Variants in ARMC8 observed in about 807,000 individuals in gnomAD.
ARMC8 encodes armadillo repeat-containing protein 8.
Under a neutral mutation model 99.3 loss-of-function variants are expected in ARMC8, and 20 were observed. The ratio of observed to expected loss-of-function variants is 0.20; its 90% CI spans 0.14 to 0.29. ARMC8 has a LOEUF of 0.29. ARMC8 is among the 10% of genes least tolerant of loss of function. The pLI is 1.00. For synonymous variants in ARMC8, 263 were observed against 278.3 expected, an observed-to-expected ratio of 0.95 and a Z score of 0.55; for missense variants, 569 against 809.5, an observed-to-expected ratio of 0.70 and a Z score of 3.60.
intron 1 of ARMC8, among the ~76,000 whole-genome samples, chr3:138,204,414 T>G (rs1364881909): frequency 6.6e-6 from 1 of 152,252 alleles, no homozygotes; most frequent in Non-Finnish European, 1.5e-5. Context: ...TGAATAAGCA[T>G]GCTCCAATTT....
intron 6 of ARMC8, among the ~76,000 whole-genome samples, chr3:138,232,334 T>G (rs2046095236): frequency 6.6e-6 from 1 of 152,102 alleles, no homozygotes; most frequent in Non-Finnish European, 1.5e-5. Flanking sequence ...AAGAACTTCT[T>G]TTGTAACAAG....
chr3:138,205,342 C>A (rs2044313296), intron 1 of ARMC8, among the ~76,000 whole-genome samples: 1 of 151,944 alleles, frequency 6.6e-6, no homozygotes, highest in South Asian at 2.1e-4. Context: ...AGCCACCACG[C>A]CCGGCGGCAA....
chr3:138,187,436 C>T lies in ARMC8; in HGVS notation c.-119C>T. On this transcript the variant is annotated 5_prime_UTR_variant, in exon 1 of 22. Transcript: ENST00000469044. Reference sequence around the variant, plus strand: ...TACTTGAGCGGTGTCCAGAGCGTGGCCAGTTCTCGTCTATCTGGCTGCCTT... The same window carrying T: ...TACTTGAGCGGTGTCCAGAGCGTGGTCAGTTCTCGTCTATCTGGCTGCCTT... 1 of 1,024,634 alleles carries T rather than the reference C, an allele frequency of 9.8e-7. No individual in the cohort carries two copies. Among genetic ancestry groups the T allele is most frequent in the East Asian group, 2.6e-5 (1 of 38,164 alleles). 63.5% of individuals were successfully genotyped at this position (1,024,634 alleles called of 1,614,324 possible). A position where few individuals can be genotyped will look rare whatever the true frequency, so the allele number is the denominator to read the frequency against.
At chr3:138,291,980 G>A (rs1256083857) in intron 21 of ARMC8, among the ~76,000 whole-genome samples, 2 of 152,130 alleles carry the variant, frequency 1.3e-5, no homozygotes, top group Non-Finnish European at 2.9e-5. Context: ...GACTGTTAAG[G>A]AGAGGAGACA....
In ARMC8 at chr3:138,263,838, G is replaced by A. The variant is rs1396114523; in HGVS notation, c.1217+17G>A. The A allele has an allele frequency of 3.1e-6, 5 of 1,610,374 alleles. No homozygotes were observed. The highest frequency in any genetic ancestry group is 4.2e-6 in the Non-Finnish European group (5 of 1,176,618). On this transcript the variant is annotated intron_variant, in intron 13 of 21. Transcript: ENST00000469044. ...TGCCGTCAGGTATGAGCTTTAAATG[G>A]TCTGAATAAAAACCTTTTGCCATAT...
Position 138,242,837 on chromosome 3 carries a change from A to G in ARMC8, c.1038+854A>G, listed in dbSNP as rs560724100. 3.9e-5 allele frequency among the ~76,000 whole-genome samples: 6 copies of G among 152,332 alleles called. No individual in the cohort carries two copies. In the East Asian group the frequency reaches 7.7e-4, roughly 20 times the overall value. On this transcript the variant is annotated intron_variant, in intron 11 of 21. Coordinates refer to ENST00000469044, the MANE Select transcript of ARMC8 (RefSeq NM_001363941.2). ...GGCTTTTAACTTTGAAAATAAAGCA[A>G]ACTATTAAGGGTATATCTTTACTCT... is the stretch of plus-strand genomic sequence containing the variant.
chr3:138,214,113 C>T (rs147334464), intron 2 of ARMC8, among the ~76,000 whole-genome samples: 3 of 151,336 alleles, frequency 2.0e-5, no homozygotes, highest in African/African-American at 7.3e-5. Context: ...GATTATGCCA[C>T]TGCACTCCAG....
chr3:138,271,454 A>G (rs1183188726), intron 16 of ARMC8, among the ~76,000 whole-genome samples: 8 of 152,178 alleles, frequency 5.3e-5, no homozygotes, highest in Non-Finnish European at 1.2e-4. Flanking sequence ...TCCCACATCT[A>G]TCACTTAAAT....
chr3:138,223,284 C>T lies in ARMC8; in HGVS notation c.195-105C>T, dbSNP rs115045683. On this transcript the variant is annotated intron_variant, in intron 3 of 21. Coordinates refer to ENST00000469044, the MANE Select transcript of ARMC8 (RefSeq NM_001363941.2). ...AATGACCATTGGATTCATATAAACT[C>T]AGCCAACCATATTTTTAGTATGTGG... 1.5e-3 allele frequency: 1,456 copies of T among 992,238 alleles called. 13 individuals are homozygous for T. The African/African-American group carries it at 0.022, about 15-fold the overall frequency. 61.5% of individuals were successfully genotyped at this position (992,238 alleles called of 1,614,324 possible). A position where few individuals can be genotyped will look rare whatever the true frequency, so the allele number is the denominator to read the frequency against.
chr3:138,224,633 AC>A (rs2045587758), intron 5 of ARMC8, among the ~76,000 whole-genome samples: 1 of 152,104 alleles, frequency 6.6e-6, no homozygotes, highest in Admixed American at 6.6e-5. Context: ...TACCTGCAAC[AC>A]CAGCTACTCG....
chr3:138,253,620 A>T (rs73867053), intron 12 of ARMC8, among the ~76,000 whole-genome samples: 120 of 152,358 alleles, frequency 7.9e-4, no homozygotes, highest in African/African-American at 2.7e-3. Context: ...CTAGCTGTTT[A>T]CAAAGCATTA....
At position 138,275,558 on chromosome 3, in the gene ARMC8, CA is replaced by C. The variant is rs1260591641; in HGVS notation, c.1725+1027del. ...TGGGCGGAAGAGCGAGACTCTGTCT[CA>C]AAAAAAAAAAAATTCATTAAGCTGT... On this transcript the variant is annotated intron_variant, in intron 18 of 21. Coordinates refer to ENST00000469044, the MANE Select transcript of ARMC8 (RefSeq NM_001363941.2). Among the ~76,000 whole-genome samples, 249 of 138,686 alleles carry C rather than the reference CA, an allele frequency of 1.8e-3. 1 individual carries two copies. The highest frequency in any genetic ancestry group is 0.014 in the East Asian group (69 of 4,838). The allele number at this position is 138,686 out of a possible 152,430, so 91.0% of individuals were successfully genotyped here. A position where few individuals can be genotyped will look rare whatever the true frequency, so the allele number is the denominator to read the frequency against.
intron 18 of ARMC8, among the ~76,000 whole-genome samples, chr3:138,277,463 A>G (rs1303290358): frequency 6.6e-6 from 1 of 152,246 alleles, no homozygotes; most frequent in Non-Finnish European, 1.5e-5. Context: ...TGAAACGACA[A>G]GCCATCCACC....
intron 6 of ARMC8, among the ~76,000 whole-genome samples, chr3:138,234,090 A>G (rs569405676): frequency 2.2e-4 from 34 of 151,920 alleles, no homozygotes; most frequent in Non-Finnish European, 3.5e-4. Context: ...TTAAGAACCA[A>G]TACTTTTTTG....
At position 138,290,648 on chromosome 3, in the gene ARMC8, G is replaced by T; in HGVS notation, c.1988+9G>T. 3 of 1,584,270 alleles carry T rather than the reference G, an allele frequency of 1.9e-6. No individual in the cohort carries two copies. The South Asian group carries it at 3.5e-5, about 18-fold the overall frequency. ...TCAAACCTTTGTGACAAGTGAGTAT[G>T]AATGTGAAAAGGCCTTGCTTTGGGC... On this transcript the variant is annotated intron_variant, in intron 21 of 21. Coordinates refer to ENST00000469044, the MANE Select transcript of ARMC8 (RefSeq NM_001363941.2).
At chr3:138,267,283 C>A in intron 15 of ARMC8, 42 bp downstream of exon 15, 5 of 1,201,936 alleles carry the variant, frequency 4.2e-6, no homozygotes, top group Non-Finnish European at 4.7e-6. Flanking sequence ...CCCAGTCCAG[C>A]TAGAGCTTAC....
At chr3:138,262,603 A>T in intron 12 of ARMC8, 2 of 1,584,088 alleles carry the variant, frequency 1.3e-6, no homozygotes, top group Non-Finnish European at 1.7e-6. Flanking sequence ...AGATTAAAAA[A>T]AAAAAAAAAA....
intron 1 of ARMC8, among the ~76,000 whole-genome samples, chr3:138,196,659 A>G (rs575952764): frequency 6.6e-6 from 1 of 152,224 alleles, no homozygotes; most frequent in East Asian, 1.9e-4. Flanking sequence ...ATCTGAGGTC[A>G]GGAGTCTGAG....
chr3:138,270,165 CA>C, intron 16 of ARMC8, 33 bp downstream of exon 16: 10 of 1,415,688 alleles, frequency 7.1e-6, no homozygotes, highest in Non-Finnish European at 9.0e-6. Flanking sequence ...TCATAACTTA[CA>C]AAAGGAATAC....
Sources: allele counts gnomAD v4.1 joint callset (sites outside exome capture counted in the v4.1 genomes callset), GRCh38; gene constraint gnomAD v4.1.1; transcripts MANE v1.5; gene names NCBI Gene and HGNC (gene_info 2026-07-23, HGNC 2026-07-21).